IMMP1L: variants seen among roughly 807,000 people sequenced by gnomAD.
IMMP1L encodes the protein mitochondrial inner membrane protease subunit 1.
Under a neutral mutation model 21.8 loss-of-function variants are expected in IMMP1L, and 24 were observed. That is an observed-to-expected ratio of 1.10 (90% CI 0.80 to 1.55). The LOEUF (loss-of-function observed/expected upper bound fraction) is 1.55. Ranked by LOEUF, IMMP1L falls within the 40% of genes most tolerant of loss-of-function variation. The pLI is 0.00. For synonymous variants in IMMP1L, 46 were observed against 62.8 expected, an observed-to-expected ratio of 0.73 and a Z score of 1.26; for missense variants, 195 against 200.7, an observed-to-expected ratio of 0.97 and a Z score of 0.17.
chr11:31,485,024 A>G (rs1342183752), intron 1 of IMMP1L, among the ~76,000 whole-genome samples: 2 of 151,878 alleles, frequency 1.3e-5, no homozygotes, highest in African/African-American at 2.4e-5. Context: ...TGCTCCAAAA[A>G]CAAATATACT....
At chr11:31,497,798 C>T (rs190764429) in intron 1 of IMMP1L, among the ~76,000 whole-genome samples, 75 of 152,232 alleles carry the variant, frequency 4.9e-4, no homozygotes, top group Non-Finnish European at 8.8e-4. Context: ...GAAATAGTGG[C>T]AATGATTACA....
In IMMP1L at chr11:31,494,880, G is replaced by A. The variant is rs1266178622; in HGVS notation, c.-30+14639C>T. ...AGGATGGTCTCAATCTCCTGACCTCGTGATCCGCCCACCTTGGCCTCCCAA... is the reference window on the plus strand; with the variant it reads ...AGGATGGTCTCAATCTCCTGACCTCATGATCCGCCCACCTTGGCCTCCCAA... On this transcript the variant is annotated intron_variant, in intron 1 of 5. Coordinates refer to ENST00000532287, the MANE Select transcript of IMMP1L (RefSeq NM_001304274.2). Among the ~76,000 whole-genome samples the A allele has an allele frequency of 4.6e-5, 7 of 152,232 alleles. No individual in the cohort carries two copies. In the East Asian group the frequency reaches 1.4e-3, roughly 29 times the overall value.
chr11:31,457,361 G>A (rs146165655), intron 3 of IMMP1L, among the ~76,000 whole-genome samples: 23 of 152,130 alleles, frequency 1.5e-4, no homozygotes, highest in Admixed American at 5.9e-4. Flanking sequence ...AAGATAGAAC[G>A]TAGGACTAAT....
intron 1 of IMMP1L, among the ~76,000 whole-genome samples, chr11:31,494,006 C>T (rs1190259960): frequency 2.0e-5 from 3 of 152,210 alleles, no homozygotes; most frequent in African/African-American, 7.2e-5. Context: ...TGCAGCTTTT[C>T]CAGGTGCACG....
intron 1 of IMMP1L, among the ~76,000 whole-genome samples, chr11:31,507,152 G>T (rs969161343): frequency 2.0e-5 from 3 of 151,648 alleles, no homozygotes; most frequent in Non-Finnish European, 4.4e-5. Context: ...GGTGACGGGC[G>T]CCTGTAGTCC....
chr11:31,489,408 T>C (rs1000486882), intron 1 of IMMP1L, among the ~76,000 whole-genome samples: 2 of 152,206 alleles, frequency 1.3e-5, no homozygotes, highest in African/African-American at 4.8e-5. Context: ...ATTTAATACG[T>C]AAAATGATTC....
chr11:31,497,460 CT>C (rs796666845), intron 1 of IMMP1L, among the ~76,000 whole-genome samples: 32,643 of 123,600 alleles, frequency 0.26, 3,390 homozygotes, highest in African/African-American at 0.39. Context: ...TATTTCTTTT[CT>C]TTTTTTTTTT....
chr11:31,456,358 T>C lies in IMMP1L; in HGVS notation c.223A>G (p.Ser75Gly), dbSNP rs142948682. Reference protein sequence around the residue: ...RGDIVIAKSPSDPKSNICKRV... With the variant: ...RGDIVIAKSPGDPKSNICKRV... ...TTACAAATATTTGATTTTGGATCAC[T>C]TGGGCTTTTTGCAATCACAATGTCA... The change falls in exon 4 of 6, where the codon AGT becomes GGT. Residue 75 changes from serine to glycine, a missense_variant. Physicochemically the swap from Ser to Gly is moderately conservative, Grantham distance 56 (BLOSUM62 0). Transcript: ENST00000532287. The C allele has an allele frequency of 1.9e-4, 305 of 1,611,080 alleles. 1 individual carries two copies. The highest frequency in any genetic ancestry group is 9.9e-4 in the African/African-American group (74 of 74,980).
chr11:31,453,116 T>C (rs1233272543), intron 4 of IMMP1L: 1 of 1,288,760 alleles, frequency 7.8e-7, no homozygotes. Context: ...ATAAAGCTGA[T>C]TTATAAGCGT....
In IMMP1L at chr11:31,467,264, C is replaced by T. The variant is rs148919930; in HGVS notation, c.-29-3959G>A. On this transcript the variant is annotated intron_variant, in intron 1 of 5. Transcript: ENST00000532287. ...CTTAAATAAGCATGTATATATTTGTCTGTTTGCCTATAAAAAAATGTCATC... is the reference window on the plus strand; with the variant it reads ...CTTAAATAAGCATGTATATATTTGTTTGTTTGCCTATAAAAAAATGTCATC... Among the ~76,000 whole-genome samples the T allele has an allele frequency of 2.4e-4, 36 of 152,220 alleles. No homozygotes were observed. The East Asian group carries it at 3.1e-3, about 13-fold the overall frequency.
chr11:31,495,943 A>G (rs1320583401), intron 1 of IMMP1L, among the ~76,000 whole-genome samples: 1 of 152,214 alleles, frequency 6.6e-6, no homozygotes, highest in Non-Finnish European at 1.5e-5. Context: ...TGAATATGGC[A>G]ACAAAAACAA....
At chr11:31,480,213 T>A (rs1202914955) in intron 1 of IMMP1L, among the ~76,000 whole-genome samples, 1 of 152,064 alleles carries the variant, frequency 6.6e-6, no homozygotes, top group Admixed American at 6.6e-5. Context: ...CATTCAAATT[T>A]TTAAAGTACA....
intron 1 of IMMP1L, among the ~76,000 whole-genome samples, chr11:31,508,112 G>A (rs1241587629): frequency 6.6e-6 from 1 of 151,938 alleles, no homozygotes; most frequent in Non-Finnish European, 1.5e-5. Flanking sequence ...CACAGCACAC[G>A]TTTACCTATG....
At chr11:31,442,105 T>G (rs1953351427) in intron 4 of IMMP1L, among the ~76,000 whole-genome samples, 1 of 152,192 alleles carries the variant, frequency 6.6e-6, no homozygotes, top group Non-Finnish European at 1.5e-5. Context: ...CAGCTAAATT[T>G]TAAGGCATTA....
intron 1 of IMMP1L, among the ~76,000 whole-genome samples, chr11:31,469,348 T>C (rs1954468307): frequency 6.6e-6 from 1 of 151,772 alleles, no homozygotes; most frequent in South Asian, 2.1e-4. Flanking sequence ...ATAACTATGA[T>C]TAACATTAAA....
At chr11:31,442,758 T>G (rs1020665234) in intron 4 of IMMP1L, among the ~76,000 whole-genome samples, 2 of 152,182 alleles carry the variant, frequency 1.3e-5, no homozygotes, top group African/African-American at 4.8e-5. Context: ...AATCCTTTTT[T>G]TAATGATTAT....
At chr11:31,485,049 T>C (rs925173207) in intron 1 of IMMP1L, among the ~76,000 whole-genome samples, 5 of 151,896 alleles carry the variant, frequency 3.3e-5, no homozygotes, top group African/African-American at 1.2e-4. Context: ...ATTCCAGTTT[T>C]TTAAAAAATT....
intron 4 of IMMP1L, 53 bp from the exon 5 acceptor site, chr11:31,433,623 C>T (rs1359268494): frequency 8.9e-7 from 1 of 1,123,154 alleles, no homozygotes; most frequent in African/African-American, 1.6e-5. Context: ...AATTTGGGTA[C>T]TATAATTAAA....
chr11:31,444,626 G>T (rs1255055502), intron 4 of IMMP1L, among the ~76,000 whole-genome samples: 4 of 133,216 alleles, frequency 3.0e-5, no homozygotes, highest in African/African-American at 1.1e-4. Flanking sequence ...GTCTTGCTCT[G>T]TTGCCCAGGC....
Sources: gnomAD v4.1 joint callset for allele counts (sites outside exome capture counted in the v4.1 genomes callset) on GRCh38, gnomAD v4.1.1 for gene constraint, MANE v1.5 for transcripts, NCBI Gene and HGNC (gene_info 2026-07-23, HGNC 2026-07-21) for gene names.